The following ADCY9 variants were observed in gnomAD, a reference collection of about 807,000 sequenced individuals.
ADCY9 encodes the protein adenylate cyclase 9, also known as adenylate cyclase type 9.
ADCY9 carries 50 observed loss-of-function variants against 101.5 expected under a neutral mutation model. That is an observed-to-expected ratio of 0.49 (90% CI 0.39 to 0.62). ADCY9 has a LOEUF of 0.62. Among genes scored for constraint, ADCY9 ranks in the 20% least tolerant of loss-of-function variants. The probability of loss-of-function intolerance (pLI) is 0.00; values close to 1 mark genes in which losing one functional copy is unlikely to be tolerated. For synonymous variants in ADCY9, 905 were observed against 769.3 expected, an observed-to-expected ratio of 1.18 and a Z score of -2.92; for missense variants, 1,662 against 1,800.4, an observed-to-expected ratio of 0.92 and a Z score of 1.39.
chr16:4,029,157 C>T (rs549632379), intron 2 of ADCY9, among the ~76,000 whole-genome samples: 4 of 152,070 alleles, frequency 2.6e-5, no homozygotes, highest in South Asian at 4.2e-4. Context: ...TCACATTTCA[C>T]GTGGATTATA....
At chr16:4,081,169 C>A (rs183781189) in intron 2 of ADCY9, among the ~76,000 whole-genome samples, 1 of 152,284 alleles carries the variant, frequency 6.6e-6, no homozygotes, top group Admixed American at 6.5e-5. Flanking sequence ...TCTCCCGCAG[C>A]GGGGCATTCC....
chr16:3,994,570 C>A (rs570211440), intron 3 of ADCY9, among the ~76,000 whole-genome samples: 98 of 152,326 alleles, frequency 6.4e-4, no homozygotes, highest in Admixed American at 3.3e-3. Flanking sequence ...ATTCTCCTGC[C>A]TCAGCCTCCT....
chr16:3,959,207 A>G (rs115687414), downstream of ADCY9, among the ~76,000 whole-genome samples: 1,640 of 152,172 alleles, frequency 0.011, 34 homozygotes, highest in African/African-American at 0.036. Context: ...CAAAAAATAC[A>G]AAAACCAGCA....
chr16:4,074,531 CAA>C (rs774528288), intron 2 of ADCY9, among the ~76,000 whole-genome samples: 4 of 90,896 alleles, frequency 4.4e-5, no homozygotes, highest in Non-Finnish European at 4.8e-5. Context: ...TCTGCCTCCG[CAA>C]AAAAAAAAAA....
At chr16:4,107,345 G>C (rs1400531175) in intron 2 of ADCY9, among the ~76,000 whole-genome samples, 5 of 152,226 alleles carry the variant, frequency 3.3e-5, no homozygotes, top group African/African-American at 9.6e-5. Flanking sequence ...GAGGTCAGGA[G>C]TTCAAGACCG....
intron 5 of ADCY9, among the ~76,000 whole-genome samples, chr16:3,990,521 C>T (rs1346916968): frequency 6.6e-6 from 1 of 152,142 alleles, no homozygotes; most frequent in Non-Finnish European, 1.5e-5. Context: ...TCATGTGCCC[C>T]CCACACAAAG....
intron 2 of ADCY9, among the ~76,000 whole-genome samples, chr16:4,008,182 G>A (rs1376790097): frequency 6.7e-6 from 1 of 149,302 alleles, no homozygotes; most frequent in African/African-American, 2.5e-5. Flanking sequence ...GCATTTTATT[G>A]TCTCACAAAA....
intron 2 of ADCY9, among the ~76,000 whole-genome samples, chr16:4,055,126 C>G (rs575000165): frequency 6.6e-6 from 1 of 152,194 alleles, no homozygotes; most frequent in East Asian, 1.9e-4. Context: ...GGAGTACAGG[C>G]CCCAGCACTG....
At position 4,042,181 on chromosome 16, in the gene ADCY9, C is replaced by T. The variant is rs573446472; in HGVS notation, c.1694-34623G>A. Among the ~76,000 whole-genome samples the T allele has an allele frequency of 5.3e-5, 8 of 152,166 alleles. No homozygotes were observed. The East Asian group carries it at 7.7e-4, about 15-fold the overall frequency. ...CTTATGATCCATCCACCTCAGCCTC[C>T]GAAAGTGCTGGGATTACAAGCGTGA... On this transcript the variant is annotated intron_variant, in intron 2 of 10. Transcript: ENST00000294016.
At position 3,965,982 on chromosome 16, in the gene ADCY9, G is replaced by A; in HGVS notation, c.3855C>T (p.Val1285=). ...CCAGAGATGTCTTGTCCACATACTG[G>A]ACAGAAGGCACCAGGTTGGCAATCT... ...TDEIANLVPS[V]QYVDKTSLGS... The change falls in exon 11 of 11, where the codon GTC becomes GTT. Residue 1285 remains valine, a synonymous_variant. Coordinates refer to ENST00000294016, the MANE Select transcript of ADCY9 (RefSeq NM_001116.4). The A allele has an allele frequency of 1.4e-5, 23 of 1,614,194 alleles. No homozygotes were observed. Among genetic ancestry groups the A allele is most frequent in the Non-Finnish European group, 1.9e-5 (23 of 1,180,040 alleles).
At chr16:4,058,501 T>C (rs2056755189) in intron 2 of ADCY9, among the ~76,000 whole-genome samples, 1 of 151,080 alleles carries the variant, frequency 6.6e-6, no homozygotes, top group Non-Finnish European at 1.5e-5. Flanking sequence ...AATTGAAATT[T>C]GAACTCCAAG....
At chr16:4,009,267 T>C (rs2056387581) in intron 2 of ADCY9, among the ~76,000 whole-genome samples, 1 of 151,886 alleles carries the variant, frequency 6.6e-6, no homozygotes, top group South Asian at 2.1e-4. Context: ...TGTTTTGTTT[T>C]GTTTTGTTTT....
rs2056255667 is a variant in ADCY9 at position 3,992,759 on chromosome 16, G to A, written c.1990-396C>T. On this transcript the variant is annotated intron_variant, in intron 4 of 10. Coordinates refer to ENST00000294016, the MANE Select transcript of ADCY9 (RefSeq NM_001116.4). The surrounding 1 kb of genome is among the most constrained non-coding windows in gnomAD (Gnocchi z 4.2). Reference sequence around the variant, plus strand: ...GGGGTCCAGGAGAAGTATGACGAGGGGTCCAGGGCTGTCAGGGCACAGGCA... The same window carrying A: ...GGGGTCCAGGAGAAGTATGACGAGGAGTCCAGGGCTGTCAGGGCACAGGCA... Among the ~76,000 whole-genome samples the A allele has an allele frequency of 6.6e-6, 1 of 152,118 alleles. No homozygotes were observed. The highest frequency in any genetic ancestry group is 1.5e-5 in the Non-Finnish European group (1 of 68,016).
intron 2 of ADCY9, among the ~76,000 whole-genome samples, chr16:4,067,845 C>T (rs1210651315): frequency 1.3e-5 from 2 of 152,182 alleles, no homozygotes; most frequent in Admixed American, 6.5e-5. Flanking sequence ...AGTAGCTTCA[C>T]TAAGTCAGCA....
At chr16:3,997,837 T>C (rs1188078804) in intron 3 of ADCY9, among the ~76,000 whole-genome samples, 1 of 152,188 alleles carries the variant, frequency 6.6e-6, no homozygotes, top group Non-Finnish European at 1.5e-5. Context: ...CTCATCCCTG[T>C]AATCCCAGCC....
chr16:4,077,520 C>T (rs1440201419), intron 2 of ADCY9, among the ~76,000 whole-genome samples: 4 of 152,098 alleles, frequency 2.6e-5, no homozygotes, highest in East Asian at 1.9e-4. Flanking sequence ...CCCACACACA[C>T]GCACACAGGT....
intron 10 of ADCY9, among the ~76,000 whole-genome samples, chr16:3,967,280 G>C (rs571183996): frequency 6.6e-6 from 1 of 152,084 alleles, no homozygotes; most frequent in East Asian, 1.9e-4. Flanking sequence ...GTGAGCTGCT[G>C]TGCCCAGCCC....
Position 3,966,804 on chromosome 16 carries a change from GTCTCC to G in ADCY9, c.3028_3032del (p.Gly1010ArgfsTer31). The G allele has an allele frequency of 6.2e-7, 1 of 1,614,194 alleles. No homozygotes were observed. Among genetic ancestry groups the G allele is most frequent in the Non-Finnish European group, 8.5e-7 (1 of 1,180,038 alleles). On this transcript the variant is annotated frameshift_variant, in exon 11 of 11. Transcript: ENST00000294016. LOFTEE classifies it high-confidence loss of function. ...TGGTGCGGTGAAGATCCGCTTCCAC[GTCTCC>G]GTGGTAGTGGAGGCGGTAGCTGACT...
intron 2 of ADCY9, among the ~76,000 whole-genome samples, chr16:4,042,041 ATCC>A (rs2056631027): frequency 6.7e-6 from 1 of 148,618 alleles, no homozygotes; most frequent in Non-Finnish European, 1.5e-5. Flanking sequence ...CTCCTGCCTC[ATCC>A]TCCTGAGTAG....
Sources: gnomAD v4.1 joint callset for allele counts (sites outside exome capture counted in the v4.1 genomes callset) on GRCh38, gnomAD v4.1.1 for gene constraint, Gnocchi (gnomAD v3.1) non-coding constraint, MANE v1.5 for transcripts, NCBI Gene and HGNC (gene_info 2026-07-23, HGNC 2026-07-21) for gene names.